Variants in ANOS1 observed in about 807,000 individuals in gnomAD.
ANOS1 encodes the protein anosmin-1.
Under a neutral mutation model 59.0 loss-of-function variants are expected in ANOS1, and 6 were observed. The ratio of observed to expected loss-of-function variants is 0.10; its 90% confidence interval spans 0.06 to 0.20. The LOEUF is 0.20. ANOS1 is among the 10% of genes least tolerant of loss of function. The pLI is 1.00. For synonymous variants in ANOS1, 217 were observed against 223.4 expected (o/e 0.97, Z 0.25); for missense variants, 433 against 542.3 (o/e 0.80, Z 2.00).
chrX:8,646,998 G>A (rs1477265263), intron 2 of ANOS1, among the ~76,000 whole-genome samples: 1 of 109,098 alleles, frequency 9.2e-6, no homozygotes. Context: ...GATCGAGGTG[G>A]AGGGTCCGAT....
chrX:8,667,839 G>C (rs1409097029), intron 2 of ANOS1, among the ~76,000 whole-genome samples: 1 of 110,858 alleles, frequency 9.0e-6, no homozygotes, highest in African/African-American at 3.3e-5. Flanking sequence ...GGCTGTGGAG[G>C]ATTAGGAGAG....
At chrX:8,623,474 A>C (rs1931333167) in intron 3 of ANOS1, 134 bp downstream of exon 3, 1 of 526,025 alleles carries the variant, frequency 1.9e-6, no homozygotes, top group South Asian at 2.6e-5. Flanking sequence ...GAATTTACGT[A>C]TATCCACACA....
chrX:8,711,497 T>C (rs1462313322), intron 1 of ANOS1, among the ~76,000 whole-genome samples: 3 of 112,967 alleles, frequency 2.7e-5, no homozygotes, highest in Non-Finnish European at 5.6e-5. Context: ...ATGTCTTCTT[T>C]TCTCAAATGA....
intron 2 of ANOS1, among the ~76,000 whole-genome samples, chrX:8,642,351 T>G (rs185643957): frequency 1.8e-5 from 2 of 110,720 alleles, no homozygotes; most frequent in South Asian, 7.7e-4. Context: ...AGTGGATATG[T>G]AGGACTGAAG....
intron 1 of ANOS1, among the ~76,000 whole-genome samples, chrX:8,714,198 C>G (rs1932828972): frequency 1.8e-5 from 2 of 111,723 alleles, no homozygotes; most frequent in Admixed American, 9.6e-5. Context: ...TAATTTCTTG[C>G]TGGGGATGAC....
chrX:8,729,710 A>AT (rs1196335202), intron 1 of ANOS1, among the ~76,000 whole-genome samples: 1 of 56,123 alleles, frequency 1.8e-5, no homozygotes, highest in African/African-American at 8.0e-5. Flanking sequence ...CCTTCTAATT[A>AT]TTAAAAAAAA....
At chrX:8,659,542 C>T (rs867174653) in intron 2 of ANOS1, among the ~76,000 whole-genome samples, 4 of 75,499 alleles carry the variant, frequency 5.3e-5, no homozygotes, top group African/African-American at 7.0e-5. Flanking sequence ...TTTCTCTTTC[C>T]TTCCTTCCTT....
At chrX:8,597,803 C>G (rs2146827802) in intron 3 of ANOS1, among the ~76,000 whole-genome samples, 1 of 107,224 alleles carries the variant, frequency 9.3e-6, no homozygotes, top group African/African-American at 3.4e-5. Flanking sequence ...TCCCAAGTAA[C>G]TAGAACTACA....
chrX:8,544,850 T>C (rs1384963729), intron 9 of ANOS1, among the ~76,000 whole-genome samples: 1 of 109,148 alleles, frequency 9.2e-6, no homozygotes, highest in Admixed American at 9.8e-5. Context: ...GTGGATCTCC[T>C]GAGGTTGGGA....
chrX:8,683,449 A>T (rs899034868), intron 2 of ANOS1, among the ~76,000 whole-genome samples: 11 of 110,883 alleles, frequency 9.9e-5, no homozygotes, highest in African/African-American at 3.6e-4. Flanking sequence ...TGTGCCTCTC[A>T]CTCAAACGGC....
At chrX:8,702,500 A>G (rs1354048481) in intron 1 of ANOS1, among the ~76,000 whole-genome samples, 1 of 111,975 alleles carries the variant, frequency 8.9e-6, no homozygotes, top group African/African-American at 3.2e-5. Flanking sequence ...GGGCTGGGGC[A>G]GGGCAGCTTT....
chrX:8,591,525 G>T (rs919192939), intron 4 of ANOS1, among the ~76,000 whole-genome samples: 19 of 112,082 alleles, frequency 1.7e-4, no homozygotes, highest in African/African-American at 6.2e-4. Context: ...ATCTTGAATA[G>T]CATTCAAGGA....
chrX:8,587,308 G>C (rs1930535493), intron 5 of ANOS1, among the ~76,000 whole-genome samples: 1 of 111,867 alleles, frequency 8.9e-6, no homozygotes, highest in Non-Finnish European at 1.9e-5. Context: ...ACTTAGTGAA[G>C]ATTTATGGGC....
chrX:8,643,916 G>A lies in ANOS1; in HGVS notation c.256-20246C>T, dbSNP rs73465329. ...CTAGAAGTGCCACCCCCCCAACCCC[G>A]CCTCCACTTTGAGTTGTTCCGCCTT... On this transcript the variant is annotated intron_variant, in intron 2 of 13. Coordinates refer to ENST00000262648, the MANE Select transcript of ANOS1 (RefSeq NM_000216.4). 6.6e-3 allele frequency among the ~76,000 whole-genome samples: 683 copies of A among 103,382 alleles called. 6 individuals carry two copies. Among genetic ancestry groups the A allele is most frequent in the African/African-American group, 0.022 (650 of 28,990 alleles). 89.8% of individuals were successfully genotyped at this position (103,382 alleles called of 115,157 possible).
intron 2 of ANOS1, among the ~76,000 whole-genome samples, chrX:8,631,256 T>C (rs1931482925): frequency 8.9e-6 from 1 of 112,327 alleles, no homozygotes; most frequent in Non-Finnish European, 1.9e-5. Flanking sequence ...TTTGTCTTTC[T>C]CTCTCATCAT....
At chrX:8,562,218 G>A (rs1180752554) in intron 8 of ANOS1, among the ~76,000 whole-genome samples, 1 of 109,898 alleles carries the variant, frequency 9.1e-6, no homozygotes, top group Non-Finnish European at 1.9e-5. Flanking sequence ...TGGGATTACA[G>A]GCGTGAGCTA....
chrX:8,635,283 C>T (rs937435616), intron 2 of ANOS1, among the ~76,000 whole-genome samples: 1 of 111,629 alleles, frequency 9.0e-6, no homozygotes, highest in Non-Finnish European at 1.9e-5. Context: ...ATGGATAGAA[C>T]CTACTTCTTT....
chrX:8,551,233 G>A (rs952532766), intron 9 of ANOS1, among the ~76,000 whole-genome samples: 1 of 112,128 alleles, frequency 8.9e-6, no homozygotes. Context: ...TGGACAAGAA[G>A]ACAAGAAAGG....
chrX:8,559,565 G>A (rs750242970), intron 8 of ANOS1, among the ~76,000 whole-genome samples: 1 of 111,813 alleles, frequency 8.9e-6, no homozygotes, highest in Non-Finnish European at 1.9e-5. Context: ...GTTGTGTAGA[G>A]TCATGATCTG....
Sources: gnomAD v4.1 joint callset for allele counts (sites outside exome capture counted in the v4.1 genomes callset) on GRCh38, gnomAD v4.1.1 for gene constraint, MANE v1.5 for transcripts, NCBI Gene and HGNC (gene_info 2026-07-23, HGNC 2026-07-21) for gene names.